The following USP40 variants were observed in gnomAD, a reference collection of about 807,000 sequenced individuals.
USP40 encodes ubiquitin carboxyl-terminal hydrolase 40.
In USP40, 143 loss-of-function variants were observed where a neutral mutation model predicts 166.2. The ratio of observed to expected loss-of-function variants is 0.86; its 90% CI spans 0.75 to 0.99. The LOEUF is 0.99. Among genes scored for constraint, USP40 ranks in the 50% least tolerant of loss-of-function variants. The pLI is 0.00. For missense variants in USP40, 1,444 were observed against 1,479.7 expected (o/e 0.98, Z 0.40); for synonymous variants, 498 against 524.0 (o/e 0.95, Z 0.68).
chr2:233,500,623 C>G (rs1228613195), intron 21 of USP40, among the ~76,000 whole-genome samples: 1 of 151,966 alleles, frequency 6.6e-6, no homozygotes, highest in Non-Finnish European at 1.5e-5. Flanking sequence ...AAAACCCCAC[C>G]AAAATACACA....
At chr2:233,481,056 G>T in intron 31 of USP40, 147 bp downstream of exon 31, 1 of 683,162 alleles carries the variant, frequency 1.5e-6, no homozygotes. Context: ...GAACGCAGGG[G>T]GCGGAGAAGG....
At position 233,565,356 on chromosome 2, in the gene USP40, C is replaced by G; in HGVS notation, c.199G>C (p.Glu67Gln). The G allele has an allele frequency of 6.5e-7, 1 of 1,534,878 alleles. No homozygotes were observed. The highest frequency in any genetic ancestry group is 1.4e-5 in the African/African-American group (1 of 73,016). Residue 67 changes from glutamate (E) to glutamine (Q), a missense_variant and splice_region_variant, in exon 2 of 32, where the codon GAA (glutamate) becomes CAA (glutamine). Transcript: ENST00000678225. ...QTLHFTPEFR[E>Q]ALFSLGPEEL... ...GTTAAATGTACGTAACATAGCATAC[C>G]TCTGAATTCAGGTGTGAAATGAAGA...
chr2:233,527,377 C>T (rs1251313592), intron 13 of USP40, 30 bp downstream of exon 13: 2 of 1,604,970 alleles, frequency 1.2e-6, no homozygotes, highest in Non-Finnish European at 1.7e-6. Context: ...TGCTCGATGT[C>T]TGAATTAAGA....
At position 233,486,890 on chromosome 2, in the gene USP40, G is replaced by A. The variant is rs2064983429; in HGVS notation, c.3198-913C>T. Reference sequence around the variant, plus strand: ...CACAGTGCGGCCAGAGGACAGAAAGGGCATCGGCACAGATGCTGAAGTTGC... The same window carrying A: ...CACAGTGCGGCCAGAGGACAGAAAGAGCATCGGCACAGATGCTGAAGTTGC... On this transcript the variant is annotated intron_variant, in intron 28 of 31. Transcript: ENST00000678225. The surrounding 1 kb of genome is among the most constrained non-coding windows in gnomAD (Gnocchi z 4.0). Among the ~76,000 whole-genome samples, 1 of 152,138 alleles carries A rather than the reference G, an allele frequency of 6.6e-6. No individual in the cohort carries two copies. The highest frequency in any genetic ancestry group is 6.5e-5 in the Admixed American group (1 of 15,274).
chr2:233,515,841 G>T (rs1575271542), intron 18 of USP40, among the ~76,000 whole-genome samples: 1 of 152,080 alleles, frequency 6.6e-6, no homozygotes, highest in African/African-American at 2.4e-5. Flanking sequence ...TTAGTTGTAT[G>T]ATCCATTTAA....
At chr2:233,494,954 A>ATATATATATATT (rs1559224325) in intron 24 of USP40, among the ~76,000 whole-genome samples, 1 of 26,996 alleles carries the variant, frequency 3.7e-5, no homozygotes, top group East Asian at 1.1e-3. Flanking sequence ...ATATATATAT[A>ATATATATATATT]TTTATATATA....
chr2:233,483,382 T>G (rs1161712793), intron 30 of USP40, among the ~76,000 whole-genome samples: 1 of 152,038 alleles, frequency 6.6e-6, no homozygotes, highest in Non-Finnish European at 1.5e-5. Flanking sequence ...TCCCAGCTAC[T>G]TGGGAGGCTA....
At chr2:233,510,409 T>TTTTTTTTTTTTTTTTTTG (rs2066733800) in intron 20 of USP40, among the ~76,000 whole-genome samples, 1 of 139,190 alleles carries the variant, frequency 7.2e-6, no homozygotes, top group Non-Finnish European at 1.6e-5. Flanking sequence ...TTTTTTTTTT[T>TTTTTTTTTTTTTTTTTTG]TTTTTTTTTT....
At chr2:233,532,003 C>G (rs6710772) in intron 11 of USP40, among the ~76,000 whole-genome samples, 120,453 of 152,152 alleles carry the variant, frequency 0.79, 47,765 homozygotes, top group East Asian at 0.87. Context: ...CTAAGTAACA[C>G]AAGGACCAGA....
chr2:233,515,563 G>GTT (rs879283497), intron 18 of USP40, among the ~76,000 whole-genome samples: 1 of 146,434 alleles, frequency 6.8e-6, no homozygotes. Flanking sequence ...GGTTACAAGG[G>GTT]TTTTTTTTTT....
At chr2:233,558,395 TG>T (rs2071287183) in intron 4 of USP40, among the ~76,000 whole-genome samples, 1 of 149,410 alleles carries the variant, frequency 6.7e-6, no homozygotes, top group Non-Finnish European at 1.5e-5. Flanking sequence ...AAAAAACATG[TG>T]GCATATCCAT....
chr2:233,478,263 G>T (rs1474662564), intron 31 of USP40, among the ~76,000 whole-genome samples: 5 of 152,244 alleles, frequency 3.3e-5, no homozygotes, highest in African/African-American at 1.2e-4. Flanking sequence ...ACTGTCCTGA[G>T]TTCCAAAGTG....
At chr2:233,500,011 G>A in intron 21 of USP40, 96 bp from the exon 22 acceptor site, 1 of 969,744 alleles carries the variant, frequency 1.0e-6, no homozygotes, top group East Asian at 2.6e-5. Context: ...ATTTAAGTCT[G>A]ACTATATTTA....
chr2:233,563,145 G>T (rs556264929), intron 2 of USP40, among the ~76,000 whole-genome samples: 1 of 152,320 alleles, frequency 6.6e-6, no homozygotes, highest in South Asian at 2.1e-4. Flanking sequence ...AAATACAGTA[G>T]TGTTGCAGTT....
At chr2:233,483,682 C>T (rs1047703758) in intron 30 of USP40, among the ~76,000 whole-genome samples, 23 of 151,958 alleles carry the variant, frequency 1.5e-4, no homozygotes, top group Non-Finnish European at 2.6e-4. Flanking sequence ...TCCAGAAATC[C>T]GAAACTCAAT....
intron 6 of USP40, 79 bp downstream of exon 6, chr2:233,554,301 C>A (rs1270741521): frequency 3.3e-5 from 46 of 1,400,894 alleles, no homozygotes; most frequent in Non-Finnish European, 4.0e-5. Flanking sequence ...CAAGTATATC[C>A]TCGAGACTTT....
chr2:233,495,406 G>GTT (rs576149159), intron 24 of USP40, among the ~76,000 whole-genome samples: 1 of 144,740 alleles, frequency 6.9e-6, no homozygotes, highest in Admixed American at 6.9e-5. Context: ...CTCTCTTCTT[G>GTT]TTTTTTTTTT....
At chr2:233,527,601 A>G in intron 12 of USP40, 23 bp from the exon 13 acceptor site, 1 of 1,566,700 alleles carries the variant, frequency 6.4e-7, no homozygotes, top group Non-Finnish European at 8.6e-7. Flanking sequence ...ACAAAAATAC[A>G]TAAATACTGT....
chr2:233,533,952 C>T (rs1224332680), intron 10 of USP40, among the ~76,000 whole-genome samples, 173 bp from the exon 11 acceptor site: 1 of 152,128 alleles, frequency 6.6e-6, no homozygotes, highest in African/African-American at 2.4e-5. Flanking sequence ...TTTAATAAAA[C>T]CACAGTGCTC....
Sources: allele counts gnomAD v4.1 joint callset (sites outside exome capture counted in the v4.1 genomes callset), GRCh38; gene constraint gnomAD v4.1.1; non-coding constraint Gnocchi (gnomAD v3.1); transcripts MANE v1.5; gene names NCBI Gene and HGNC (gene_info 2026-07-23, HGNC 2026-07-21).